Variants in MMP9 observed in about 807,000 individuals in gnomAD.
The protein encoded by MMP9 is matrix metalloproteinase-9.
Under a neutral mutation model 76.4 loss-of-function variants are expected in MMP9, and 73 were observed. That is an observed-to-expected ratio of 0.96 (90% confidence interval 0.79 to 1.16). MMP9 has a LOEUF of 1.16. Among genes scored for constraint, MMP9 ranks in the 50% most tolerant of loss-of-function variants. The pLI, the probability that MMP9 is intolerant of heterozygous loss-of-function variation, is 0.00. For missense variants in MMP9, 943 were observed against 973.0 expected (o/e 0.97, Z 0.41); for synonymous variants, 412 against 408.4 (o/e 1.01, Z -0.11).
At chr20:46,009,250 C>T (rs1027478711) in intron 1 of MMP9, among the ~76,000 whole-genome samples, 186 bp downstream of exon 1, 1 of 151,840 alleles carries the variant, frequency 6.6e-6, no homozygotes, top group African/African-American at 2.4e-5. Flanking sequence ...GCAGTGATGG[C>T]CAGAAATGGG....
chr20:46,012,667 G>T, intron 8 of MMP9, 85 bp downstream of exon 8: 1 of 1,541,006 alleles, frequency 6.5e-7, no homozygotes, highest in Non-Finnish European at 8.8e-7. Flanking sequence ...GGGGATCGGG[G>T]GAGGAACGGG....
rs2084297224 is a variant in MMP9 at position 46,013,371 on chromosome 20, G to A, written c.1447G>A (p.Ala483Thr). 6.2e-7 allele frequency: 1 copy of A among 1,610,326 alleles called. No individual in the cohort carries two copies. Among genetic ancestry groups the A allele is most frequent in the Admixed American group, 1.7e-5 (1 of 59,756 alleles). ...PTVHPSERPT[A>T]GPTGPPSAGP... ...TGTCCACCCCTCAGAGCGCCCCACAGCTGGCCCCACAGGTCCCCCCTCAGC... is the reference window on the plus strand; with the variant it reads ...TGTCCACCCCTCAGAGCGCCCCACAACTGGCCCCACAGGTCCCCCCTCAGC... Residue 483 changes from alanine (A) to threonine (T), a missense_variant, in exon 9 of 13, where the codon GCT becomes ACT. Physicochemically the swap from Ala to Thr is moderately conservative, Grantham distance 58 (BLOSUM62 0). Transcript: ENST00000372330. This position sits in a 1 kb window ranked among gnomAD's most constrained non-coding sequence, Gnocchi z 4.5.
intron 5 of MMP9, 37 bp from the exon 6 acceptor site, chr20:46,011,537 C>T (rs772237991): frequency 1.7e-5 from 28 of 1,612,830 alleles, no homozygotes; most frequent in Admixed American, 3.3e-5. Context: ...GTGCTGTCTC[C>T]GCCTTCTCCC....
chr20:46,014,213 A>C lies in MMP9; in HGVS notation c.1840A>C (p.Thr614Pro). 6 of 1,498,946 alleles carry C rather than the reference A, an allele frequency of 4.0e-6. No individual in the cohort carries two copies. Among genetic ancestry groups the C allele is most frequent in the Non-Finnish European group, 5.4e-6 (6 of 1,121,028 alleles). 92.9% of individuals were successfully genotyped at this position (1,498,946 alleles called of 1,614,324 possible). A position where few individuals can be genotyped will look rare whatever the true frequency, so the allele number is the denominator to read the frequency against. ...LGLGADVAQV[T>P]GALRSGRGKM... ...CCTGGGAGCCGACGTGGCCCAGGTGACCGGGGCCCTCCGGAGTGGCAGGGG... is the reference window on the plus strand; with the variant it reads ...CCTGGGAGCCGACGTGGCCCAGGTGCCCGGGGCCCTCCGGAGTGGCAGGGG... The change falls in exon 11 of 13, where the codon ACC becomes CCC. Residue 614 changes from threonine to proline, a missense_variant. Thr to Pro is a conservative substitution (Grantham distance 38). Coordinates refer to ENST00000372330, the MANE Select transcript of MMP9 (RefSeq NM_004994.3).
In MMP9 at chr20:46,013,721, A is replaced by G. The variant is rs775387047; in HGVS notation, c.1675A>G (p.Lys559Glu). The change falls in exon 10 of 13, where the codon AAG (lysine) becomes GAG (glutamate). Residue 559 changes from lysine to glutamate, a missense_variant. Lys to Glu is a moderately conservative substitution (Grantham distance 56). Transcript: ENST00000372330. The surrounding 1 kb of genome is among the most constrained non-coding windows in gnomAD (Gnocchi z 4.5). ...RPQGPFLIAD[K>E]WPALPRKLDS... is the part of the protein sequence containing the mutation. ...GCAGGGCCCCTTCCTTATCGCCGAC[A>G]AGTGGCCCGCGCTGCCCCGCAAGCT... The G allele has an allele frequency of 1.2e-6, 2 of 1,613,734 alleles. No individual in the cohort carries two copies. The highest frequency in any genetic ancestry group is 2.2e-5 in the East Asian group (1 of 44,834).
At position 46,010,912 on chromosome 20, in the gene MMP9, G is replaced by C; in HGVS notation, c.521-10G>C. The C allele has an allele frequency of 6.2e-7, 1 of 1,614,248 alleles. No homozygotes were observed. The highest frequency in any genetic ancestry group is 1.1e-5 in the South Asian group (1 of 91,086). On this transcript the variant is annotated splice_polypyrimidine_tract_variant and intron_variant, in intron 3 of 12. Coordinates refer to ENST00000372330, the MANE Select transcript of MMP9 (RefSeq NM_004994.3). ...CGGCTAACCCTCTTCCTCTCGACCT[G>C]TTTCTTCAGAGCACGGAGACGGGTA... is the stretch of plus-strand genomic sequence containing the variant.
chr20:46,010,074 G>A lies in MMP9; in HGVS notation c.347G>A (p.Trp116Ter), dbSNP rs1448118597. The A allele has an allele frequency of 1.9e-6, 3 of 1,550,152 alleles. No homozygotes were observed. Among genetic ancestry groups the A allele is most frequent in the Non-Finnish European group, 2.6e-6 (3 of 1,146,624 alleles). The change falls in exon 2 of 13, where the codon TGG becomes TAG. Residue 116 changes from tryptophan (W) to a stop codon, truncating the protein, a stop_gained. Coordinates refer to ENST00000372330, the MANE Select transcript of MMP9 (RefSeq NM_004994.3). LOFTEE classifies it high-confidence loss of function. ...RFQTFEGDLKWHHHNITYWIQ... is the reference protein window; with the variant it reads ...RFQTFEGDLK ...CAAACCTTTGAGGGCGACCTCAAGT[G>A]GCACCACCACAACATCACCTATTGG...
chr20:46,014,329 G>A, intron 11 of MMP9, 42 bp from the exon 12 acceptor site: 2 of 1,541,234 alleles, frequency 1.3e-6, no homozygotes, highest in South Asian at 1.2e-5. Context: ...CGGTCCGTCC[G>A]CTAGCCGGCT....
Position 46,013,327 on chromosome 20 carries a change from G to A in MMP9, c.1403G>A (p.Cys468Tyr), listed in dbSNP as rs201489145. ...TPQPTAPPTV[C>Y]PTGPPTVHPS... is the part of the protein sequence containing the mutation. ...CAGCCCACGGCTCCCCCGACGGTCT[G>A]CCCCACCGGACCCCCCACTGTCCAC... is the stretch of plus-strand genomic sequence containing the variant. Residue 468 changes from cysteine (C) to tyrosine (Y), a missense_variant, in exon 9 of 13, where the codon TGC becomes TAC. By Grantham distance (194) the Cys-to-Tyr change is radical. Coordinates refer to ENST00000372330, the MANE Select transcript of MMP9 (RefSeq NM_004994.3). This position sits in a 1 kb window ranked among gnomAD's most constrained non-coding sequence, Gnocchi z 4.5. 4 of 1,613,326 alleles carry A rather than the reference G, an allele frequency of 2.5e-6. No individual in the cohort carries two copies. Among genetic ancestry groups the A allele is most frequent in the Non-Finnish European group, 3.4e-6 (4 of 1,179,818 alleles).
In MMP9 at chr20:46,013,309, C is replaced by T; in HGVS notation, c.1385C>T (p.Thr462Met). 6.2e-7 allele frequency: 1 copy of T among 1,614,020 alleles called. No homozygotes were observed. Among genetic ancestry groups the T allele is most frequent in the Non-Finnish European group, 8.5e-7 (1 of 1,179,960 alleles). ...RPPTTTTPQP[T>M]APPTVCPTGP... ...CCAACCACCACCACACCGCAGCCCA[C>T]GGCTCCCCCGACGGTCTGCCCCACC... The change falls in exon 9 of 13, where the codon ACG (threonine) becomes ATG (methionine). Residue 462 changes from threonine (T) to methionine (M), a missense_variant. Physicochemically the swap from Thr to Met is moderately conservative, Grantham distance 81. Transcript: ENST00000372330. This position sits in a 1 kb window ranked among gnomAD's most constrained non-coding sequence, Gnocchi z 4.5.
At position 46,011,649 on chromosome 20, in the gene MMP9, C is replaced by CCAA; in HGVS notation, c.900_901insAAC (p.Ser300_Ala301insAsn). The CCAA allele has an allele frequency of 6.2e-7, 1 of 1,614,138 alleles. No homozygotes were observed. ...TTCATCTTCCAAGGCCAATCCTACT[C>CCAA]CGCCTGCACCACGGACGGTCGCTCC... On this transcript the variant is annotated inframe_insertion, in exon 6 of 13. Coordinates refer to ENST00000372330, the MANE Select transcript of MMP9 (RefSeq NM_004994.3).
chr20:46,013,386 C>T lies in MMP9; in HGVS notation c.1462C>T (p.Pro488Ser). 1 of 1,611,972 alleles carries T rather than the reference C, an allele frequency of 6.2e-7. No individual in the cohort carries two copies. The highest frequency in any genetic ancestry group is 8.5e-7 in the Non-Finnish European group (1 of 1,178,564). ...GCGCCCCACAGCTGGCCCCACAGGT[C>T]CCCCCTCAGCTGGCCCCACAGGTCC... ...SERPTAGPTG[P>S]PSAGPTGPPT... The change falls in exon 9 of 13, where the codon CCC becomes TCC. Residue 488 changes from proline (P) to serine (S), a missense_variant. Pro to Ser is a moderately conservative substitution (Grantham distance 74). Coordinates refer to ENST00000372330, the MANE Select transcript of MMP9 (RefSeq NM_004994.3). The surrounding 1 kb of genome is among the most constrained non-coding windows in gnomAD (Gnocchi z 4.5).
At chr20:46,009,616 G>A (rs569297415) in intron 1 of MMP9, among the ~76,000 whole-genome samples, 8 of 152,220 alleles carry the variant, frequency 5.3e-5, no homozygotes, top group Admixed American at 1.3e-4. Context: ...GTAAGATCCT[G>A]TCTCTACAAA....
chr20:46,011,305 G>A lies in MMP9; in HGVS notation c.812G>A (p.Cys271Tyr), dbSNP rs1167468050. ...GACACCGACGACCGGTTTGGCTTCT[G>A]CCCCAGCGAGAGTGAGTGAGGGGGC... ...NYDTDDRFGF[C>Y]PSERLYTQDG... is the part of the protein sequence containing the mutation. Residue 271 changes from cysteine (C) to tyrosine (Y), a missense_variant, in exon 5 of 13, where the codon TGC becomes TAC. Transcript: ENST00000372330. 3 of 1,604,588 alleles carry A rather than the reference G, an allele frequency of 1.9e-6. No homozygotes were observed. In the East Asian group the frequency reaches 6.7e-5, roughly 36 times the overall value.
At position 46,013,490 on chromosome 20, in the gene MMP9, C is replaced by T. The variant is rs779945082; in HGVS notation, c.1566C>T (p.Asp522=). Residue 522 remains aspartate (D), a synonymous_variant, in exon 9 of 13, where the codon GAC becomes GAT. Coordinates refer to ENST00000372330, the MANE Select transcript of MMP9 (RefSeq NM_004994.3). The surrounding 1 kb of genome is among the most constrained non-coding windows in gnomAD (Gnocchi z 4.5). ...VDDACNVNIF[D]AIAEIGNQLY... is the part of the protein sequence containing the mutation. ...ATGCCTGCAACGTGAACATCTTCGACGCCATCGCGGAGATTGGGAACCAGC... is the reference window on the plus strand; with the variant it reads ...ATGCCTGCAACGTGAACATCTTCGATGCCATCGCGGAGATTGGGAACCAGC... 2 of 1,614,120 alleles carry T rather than the reference C, an allele frequency of 1.2e-6. No homozygotes were observed. Among genetic ancestry groups the T allele is most frequent in the Non-Finnish European group, 1.7e-6 (2 of 1,180,002 alleles).
chr20:46,012,388 C>G (rs199553794), intron 7 of MMP9, 39 bp from the exon 8 acceptor site: 50 of 1,613,600 alleles, frequency 3.1e-5, no homozygotes, highest in Non-Finnish European at 4.1e-5. Context: ...GCTGGGGGCT[C>G]GGCCCGGCGC....
In MMP9 at chr20:46,011,276, C is replaced by G. The variant is rs2084277203; in HGVS notation, c.783C>G (p.Asn261Lys). 3 of 1,610,108 alleles carry G rather than the reference C, an allele frequency of 1.9e-6. No homozygotes were observed. The highest frequency in any genetic ancestry group is 1.1e-5 in the South Asian group (1 of 91,068). ...TGCCCTGGTGCAGTACCACGGCCAA[C>G]TACGACACCGACGACCGGTTTGGCT... ...DGLPWCSTTA[N>K]YDTDDRFGFC... The change falls in exon 5 of 13, where the codon AAC becomes AAG. Residue 261 changes from asparagine (N) to lysine (K), a missense_variant. Transcript: ENST00000372330.
chr20:46,013,869 A>C lies in MMP9; in HGVS notation c.1750+73A>C, dbSNP rs1017491592. On this transcript the variant is annotated intron_variant, in intron 10 of 12. Coordinates refer to ENST00000372330, the MANE Select transcript of MMP9 (RefSeq NM_004994.3). The surrounding 1 kb of genome is among the most constrained non-coding windows in gnomAD (Gnocchi z 4.5). ...AAGGAGGCTCAAGAGACCATCGATAACCCACGAAACGTCTTGTGCGTTTTA... is the reference window on the plus strand; with the variant it reads ...AAGGAGGCTCAAGAGACCATCGATACCCCACGAAACGTCTTGTGCGTTTTA... The C allele has an allele frequency of 3.1e-6, 5 of 1,591,014 alleles. No individual in the cohort carries two copies. The African/African-American group carries it at 6.7e-5, about 21-fold the overall frequency.
intron 12 of MMP9, among the ~76,000 whole-genome samples, chr20:46,015,000 T>C (rs575644462): frequency 3.9e-5 from 6 of 152,344 alleles, no homozygotes; most frequent in Admixed American, 3.3e-4. Context: ...TCATTTTTTT[T>C]GCCATCTTCT....
Sources: allele counts gnomAD v4.1 joint callset (sites outside exome capture counted in the v4.1 genomes callset), GRCh38; gene constraint gnomAD v4.1.1; non-coding constraint Gnocchi (gnomAD v3.1); transcripts MANE v1.5; gene names NCBI Gene and HGNC (gene_info 2026-07-23, HGNC 2026-07-21).